The following PPM1H variants were observed in gnomAD, a reference collection of about 807,000 sequenced individuals.
PPM1H encodes the protein protein phosphatase 1H.
A neutral mutation model predicts 54.9 loss-of-function variants in PPM1H; 27 were observed. The ratio of observed to expected loss-of-function variants is 0.49; its 90% CI spans 0.36 to 0.68. PPM1H has a LOEUF of 0.68. Among genes scored for constraint, PPM1H ranks in the 30% least tolerant of loss-of-function variants. The pLI is 0.00. For synonymous variants in PPM1H, 305 were observed against 270.8 expected (o/e 1.13, Z -1.24); for missense variants, 596 against 667.8 (o/e 0.89, Z 1.19).
rs149217023 is a variant in PPM1H, at chr12:62,919,866, A to G, written c.245+14626T>C. On this transcript the variant is annotated intron_variant, in intron 1 of 9. Coordinates refer to ENST00000228705, the MANE Select transcript of PPM1H (RefSeq NM_020700.2). Reference sequence around the variant, plus strand: ...GCGTGGCCAGGTAGTCTCTGTCAGCACTAAACTGATGACAGGGGAATGGGG... The same window carrying G: ...GCGTGGCCAGGTAGTCTCTGTCAGCGCTAAACTGATGACAGGGGAATGGGG... 3.3e-3 allele frequency among the ~76,000 whole-genome samples: 495 copies of G among 152,284 alleles called. 1 individual carries two copies. The highest frequency in any genetic ancestry group is 5.7e-3 in the Non-Finnish European group (388 of 68,012).
intron 5 of PPM1H, among the ~76,000 whole-genome samples, chr12:62,731,718 T>G (rs112153277): frequency 2.4e-4 from 36 of 152,342 alleles, no homozygotes; most frequent in African/African-American, 8.7e-4. Context: ...ACTTGGATTA[T>G]TCTGCAAGGA....
Position 62,844,741 on chromosome 12 carries a change from G to A in PPM1H, c.246-12462C>T, listed in dbSNP as rs1028904694. Among the ~76,000 whole-genome samples the A allele has an allele frequency of 6.6e-6, 1 of 152,166 alleles. No homozygotes were observed. The highest frequency in any genetic ancestry group is 2.4e-5 in the African/African-American group (1 of 41,436). On this transcript the variant is annotated intron_variant, in intron 1 of 9. Coordinates refer to ENST00000228705, the MANE Select transcript of PPM1H (RefSeq NM_020700.2). This position sits in a 1 kb window ranked among gnomAD's most constrained non-coding sequence, Gnocchi z 5.2. Reference sequence around the variant, plus strand: ...AGCACGGAGTAGGTACTCGATAAATGTTAATTGAATGAATAAACAAATGAA... The same window carrying A: ...AGCACGGAGTAGGTACTCGATAAATATTAATTGAATGAATAAACAAATGAA...
chr12:62,866,909 A>G (rs1009014976), intron 1 of PPM1H, among the ~76,000 whole-genome samples: 28 of 151,826 alleles, frequency 1.8e-4, no homozygotes, highest in African/African-American at 6.5e-4. Context: ...GCCAGTCTTA[A>G]TCAGTATTTC....
Position 62,821,690 on chromosome 12 carries a change from C to T in PPM1H, c.411+10424G>A, listed in dbSNP as rs563740074. ...TTCATAAGTGAAGGAGAAATAAAATCCTTTACAGACAAGCAAATGCTGAGA... is the reference window on the plus strand; with the variant it reads ...TTCATAAGTGAAGGAGAAATAAAATTCTTTACAGACAAGCAAATGCTGAGA... On this transcript the variant is annotated intron_variant, in intron 2 of 9. Transcript: ENST00000228705. 3.7e-3 allele frequency among the ~76,000 whole-genome samples: 560 copies of T among 152,246 alleles called. 5 individuals are homozygous for T. Among genetic ancestry groups the T allele is most frequent in the African/African-American group, 0.012 (519 of 41,528 alleles).
intron 1 of PPM1H, among the ~76,000 whole-genome samples, chr12:62,902,570 C>A (rs1871191688): frequency 6.6e-6 from 1 of 152,200 alleles, no homozygotes; most frequent in Non-Finnish European, 1.5e-5. Context: ...CCCCCCGCCC[C>A]TGGGGGTAGC....
At chr12:62,754,426 G>A (rs1565778789) in intron 4 of PPM1H, among the ~76,000 whole-genome samples, 1 of 152,162 alleles carries the variant, frequency 6.6e-6, no homozygotes, top group Non-Finnish European at 1.5e-5. Flanking sequence ...TATTAGCCAG[G>A]CTTGGTGACA....
intron 8 of PPM1H, 125 bp downstream of exon 8, chr12:62,689,574 G>A (rs1351871223): frequency 1.5e-6 from 1 of 661,636 alleles, no homozygotes; most frequent in South Asian, 2.0e-5. Flanking sequence ...ACAGACGTGA[G>A]AGATACAGTG....
intron 6 of PPM1H, among the ~76,000 whole-genome samples, chr12:62,712,686 T>C (rs145147898): frequency 5.0e-4 from 76 of 152,356 alleles, no homozygotes; most frequent in African/African-American, 1.7e-3. Flanking sequence ...TTCAAAAATG[T>C]AGGCTTTCTA....
intron 2 of PPM1H, among the ~76,000 whole-genome samples, chr12:62,831,104 C>T (rs1335862649): frequency 1.3e-5 from 2 of 151,824 alleles, no homozygotes; most frequent in African/African-American, 2.4e-5. Flanking sequence ...CCGCCTGTCT[C>T]GGCCTCCCAA....
intron 5 of PPM1H, among the ~76,000 whole-genome samples, chr12:62,727,456 T>C (rs1422271689): frequency 1.3e-5 from 2 of 152,078 alleles, no homozygotes; most frequent in East Asian, 3.9e-4. Context: ...TTTAGTTAAC[T>C]TCTTATAAAT....
At chr12:62,817,162 A>G (rs1215928167) in intron 2 of PPM1H, among the ~76,000 whole-genome samples, 1 of 75,708 alleles carries the variant, frequency 1.3e-5, no homozygotes, top group African/African-American at 8.5e-5. Flanking sequence ...TAAAAAAAAG[A>G]AAAAAAAAAA....
At chr12:62,889,726 C>G (rs1870717489) in intron 1 of PPM1H, among the ~76,000 whole-genome samples, 2 of 151,758 alleles carry the variant, frequency 1.3e-5, no homozygotes, top group South Asian at 2.1e-4. Flanking sequence ...AATCCACATG[C>G]AAAAAAATGA....
chr12:62,763,537 C>T (rs2076523476), intron 4 of PPM1H, among the ~76,000 whole-genome samples: 1 of 152,226 alleles, frequency 6.6e-6, no homozygotes, highest in Admixed American at 6.5e-5. Flanking sequence ...CAAATTGCTA[C>T]AACCTCTTGC....
At chr12:62,932,998 G>A (rs1379616675) in intron 1 of PPM1H, among the ~76,000 whole-genome samples, 1 of 152,054 alleles carries the variant, frequency 6.6e-6, no homozygotes, top group African/African-American at 2.4e-5. Context: ...TGTTTGGCAG[G>A]CTCTTTTTTC....
chr12:62,668,431 A>C (rs1428564689), intron 8 of PPM1H, among the ~76,000 whole-genome samples: 1 of 152,204 alleles, frequency 6.6e-6, no homozygotes, highest in Non-Finnish European at 1.5e-5. Flanking sequence ...GCTGGAGTAC[A>C]GTGGCGTGAT....
At chr12:62,846,592 T>A (rs1868979643) in intron 1 of PPM1H, among the ~76,000 whole-genome samples, 1 of 151,350 alleles carries the variant, frequency 6.6e-6, no homozygotes, top group South Asian at 2.1e-4. Flanking sequence ...GCTTCCCCCA[T>A]CTGGTCTCCT....
intron 1 of PPM1H, among the ~76,000 whole-genome samples, chr12:62,910,853 A>G (rs1335339857): frequency 6.6e-6 from 1 of 152,234 alleles, no homozygotes; most frequent in Non-Finnish European, 1.5e-5. Context: ...GCTGCCCGCA[A>G]GGAAGCTTAC....
chr12:62,880,245 A>G (rs570884702), intron 1 of PPM1H, among the ~76,000 whole-genome samples: 16 of 152,368 alleles, frequency 1.1e-4, no homozygotes, highest in African/African-American at 3.8e-4. Context: ...AGCAGCCTGC[A>G]TTGTGAAATA....
chr12:62,735,895 T>A (rs1172751872), intron 5 of PPM1H, among the ~76,000 whole-genome samples: 2 of 152,144 alleles, frequency 1.3e-5, no homozygotes, highest in Non-Finnish European at 2.9e-5. Context: ...AATCATGATA[T>A]GTCCTGGAAA....
Sources: gnomAD v4.1 joint callset for allele counts (sites outside exome capture counted in the v4.1 genomes callset) on GRCh38, gnomAD v4.1.1 for gene constraint, Gnocchi (gnomAD v3.1) non-coding constraint, MANE v1.5 for transcripts, NCBI Gene and HGNC (gene_info 2026-07-23, HGNC 2026-07-21) for gene names.